PIGU: variants seen among roughly 807,000 people sequenced by gnomAD.
The protein encoded by PIGU is phosphatidylinositol glycan anchor biosynthesis class U.
PIGU carries 24 observed loss-of-function variants against 49.9 expected under a neutral mutation model. That is an observed-to-expected ratio of 0.48 (90% confidence interval 0.35 to 0.68). The LOEUF is 0.68. Ranked by LOEUF, PIGU falls within the 30% of genes least tolerant of loss-of-function variation. The pLI is 0.01. For synonymous variants in PIGU, 220 were observed against 205.7 expected, an observed-to-expected ratio of 1.07 and a Z score of -0.59; for missense variants, 490 against 532.6, an observed-to-expected ratio of 0.92 and a Z score of 0.79.
chr20:34,673,376 A>G (rs989215408), intron 1 of PIGU, among the ~76,000 whole-genome samples: 62 of 152,238 alleles, frequency 4.1e-4, no homozygotes, highest in African/African-American at 1.5e-3. Context: ...TATCCCATTT[A>G]AGGTACCCTT....
At chr20:34,625,201 G>A (rs542157522) in intron 6 of PIGU, among the ~76,000 whole-genome samples, 10 of 151,874 alleles carry the variant, frequency 6.6e-5, no homozygotes, top group Non-Finnish European at 7.4e-5. Flanking sequence ...GAGAAACCCC[G>A]TCTCTACTAA....
intron 4 of PIGU, chr20:34,643,800 CAAAAAA>C (rs749414414): frequency 8.9e-5 from 4 of 45,122 alleles, no homozygotes; most frequent in African/African-American, 2.0e-4. Context: ...TCTTCCTATG[CAAAAAA>C]AAAAAAAAAA....
intron 6 of PIGU, among the ~76,000 whole-genome samples, chr20:34,625,906 A>G (rs1985468631): frequency 6.7e-6 from 1 of 150,024 alleles, no homozygotes; most frequent in African/African-American, 2.4e-5. Context: ...GTGACAGAGT[A>G]AGACCCTGTC....
At chr20:34,667,233 C>T (rs566543926) in intron 1 of PIGU, among the ~76,000 whole-genome samples, 3 of 152,006 alleles carry the variant, frequency 2.0e-5, no homozygotes, top group Non-Finnish European at 4.4e-5. Context: ...TTCAGTTTCC[C>T]GTATCAATAA....
chr20:34,646,669 G>A (rs184619172), intron 2 of PIGU, among the ~76,000 whole-genome samples: 4 of 152,126 alleles, frequency 2.6e-5, no homozygotes, highest in East Asian at 1.9e-4. Flanking sequence ...TCAGACTCCC[G>A]AACTGCTGGC....
intron 6 of PIGU, among the ~76,000 whole-genome samples, chr20:34,625,816 G>C (rs1985464399): frequency 6.6e-6 from 1 of 151,268 alleles, no homozygotes; most frequent in Non-Finnish European, 1.5e-5. Context: ...AGGATGGGGT[G>C]GGAGGATCAC....
chr20:34,674,055 A>AAAC (rs936445817), intron 1 of PIGU, among the ~76,000 whole-genome samples: 3 of 149,888 alleles, frequency 2.0e-5, no homozygotes, highest in African/African-American at 7.4e-5. Flanking sequence ...TCCATCTCAA[A>AAAC]AACAACAACA....
intron 1 of PIGU, among the ~76,000 whole-genome samples, chr20:34,667,309 TC>T (rs1987134237): frequency 2.0e-5 from 3 of 152,178 alleles, no homozygotes; most frequent in African/African-American, 7.2e-5. Context: ...AGAAGCAGCA[TC>T]ACTCCAGCTG....
At chr20:34,581,453 G>A in intron 10 of PIGU, 95 bp downstream of exon 10, 2 of 1,485,078 alleles carry the variant, frequency 1.3e-6, no homozygotes, top group South Asian at 1.3e-5. Flanking sequence ...CAGCATAACA[G>A]GTGCCTGGTA....
chr20:34,621,336 A>G (rs999460120), intron 6 of PIGU, among the ~76,000 whole-genome samples: 3 of 151,854 alleles, frequency 2.0e-5, no homozygotes, highest in African/African-American at 7.2e-5. Flanking sequence ...TCATGAACAC[A>G]GGCAAAGCAC....
At chr20:34,638,331 CCT>C (rs530100307) in intron 4 of PIGU, among the ~76,000 whole-genome samples, 286 of 152,294 alleles carry the variant, frequency 1.9e-3, no homozygotes, top group Admixed American at 4.5e-3. Flanking sequence ...GTAAAATCCC[CCT>C]GTTATATATG....
At chr20:34,641,765 G>C (rs1986172496) in intron 4 of PIGU, among the ~76,000 whole-genome samples, 1 of 152,114 alleles carries the variant, frequency 6.6e-6, no homozygotes, top group Admixed American at 6.5e-5. Context: ...AGATTTAGAG[G>C]AAGACATGCT....
At chr20:34,634,569 G>C (rs1166310977) in intron 6 of PIGU, 46 bp downstream of exon 6, 1 of 1,552,006 alleles carries the variant, frequency 6.4e-7, no homozygotes, top group Non-Finnish European at 8.7e-7. Context: ...GCAAAATCTT[G>C]CATAAATCAG....
chr20:34,657,385 G>A, intron 1 of PIGU, 141 bp from the exon 2 acceptor site: 2 of 629,018 alleles, frequency 3.2e-6, no homozygotes, highest in South Asian at 2.0e-5. Flanking sequence ...TTTAAGTCTT[G>A]AACATTTCTG....
intron 7 of PIGU, among the ~76,000 whole-genome samples, chr20:34,601,972 T>G (rs1199023442): frequency 6.6e-6 from 1 of 152,166 alleles, no homozygotes; most frequent in African/African-American, 2.4e-5. Context: ...AACGCTGACT[T>G]AAAACGTGTA....
At chr20:34,591,336 T>C (rs1032571911) in intron 7 of PIGU, among the ~76,000 whole-genome samples, 1 of 152,118 alleles carries the variant, frequency 6.6e-6, no homozygotes, top group Non-Finnish European at 1.5e-5. Context: ...CAATGCATAA[T>C]TGATAGATCA....
chr20:34,580,586 A>G (rs969307182), intron 10 of PIGU, among the ~76,000 whole-genome samples: 1 of 152,242 alleles, frequency 6.6e-6, no homozygotes, highest in African/African-American at 2.4e-5. Context: ...GCAGGCAAGG[A>G]AAGTTCAACA....
chr20:34,644,104 T>G (rs1426520811), intron 4 of PIGU, 60 bp downstream of exon 4: 2 of 1,423,638 alleles, frequency 1.4e-6, no homozygotes, highest in African/African-American at 1.5e-5. Flanking sequence ...ATCTTTGTAA[T>G]AACAAAGACC....
At chr20:34,639,916 A>G (rs1383220322) in intron 4 of PIGU, among the ~76,000 whole-genome samples, 1 of 152,222 alleles carries the variant, frequency 6.6e-6, no homozygotes, top group East Asian at 1.9e-4. Flanking sequence ...CTGGCTCAGC[A>G]ATCAAGTGCT....
Sources: gnomAD v4.1 joint callset for allele counts (sites outside exome capture counted in the v4.1 genomes callset) on GRCh38, gnomAD v4.1.1 for gene constraint, MANE v1.5 for transcripts, NCBI Gene and HGNC (gene_info 2026-07-23, HGNC 2026-07-21) for gene names.